The following CLDN10 variants were observed in gnomAD, a reference collection of about 807,000 sequenced individuals.
The protein encoded by CLDN10 is claudin-10.
In CLDN10, 15 loss-of-function variants were observed where a neutral mutation model predicts 22.9. The observed-to-expected ratio is 0.65, with a 90% CI of 0.44 to 1.01. The LOEUF is 1.01. Among genes scored for constraint, CLDN10 ranks in the 50% least tolerant of loss-of-function variants. CLDN10 has a pLI of 0.00. For synonymous variants in CLDN10, 114 were observed against 111.4 expected, an observed-to-expected ratio of 1.02 and a Z score of -0.15; for missense variants, 247 against 287.8, an observed-to-expected ratio of 0.86 and a Z score of 1.03.
chr13:95,504,780 C>T (rs539227712), intron 1 of CLDN10, among the ~76,000 whole-genome samples: 1 of 151,974 alleles, frequency 6.6e-6, no homozygotes, highest in Admixed American at 6.5e-5. Flanking sequence ...TCAAGTGATC[C>T]CCCCACCTCA....
At chr13:95,559,753 A>T (rs555214270) in intron 1 of CLDN10, among the ~76,000 whole-genome samples, 1 of 152,188 alleles carries the variant, frequency 6.6e-6, no homozygotes, top group African/African-American at 2.4e-5. Context: ...TCACAGTGAA[A>T]GGCACCTTTC....
chr13:95,442,037 G>A (rs1463134286), intron 1 of CLDN10, among the ~76,000 whole-genome samples: 1 of 152,182 alleles, frequency 6.6e-6, no homozygotes, highest in African/African-American at 2.4e-5. Flanking sequence ...TATAGTCCCA[G>A]CTACTCAGGA....
chr13:95,547,731 C>A (rs528984606), upstream of CLDN10, among the ~76,000 whole-genome samples: 31 of 152,306 alleles, frequency 2.0e-4, no homozygotes, highest in South Asian at 6.2e-4. Context: ...ATCTCCCTGA[C>A]TCTTAAGTGA....
At chr13:95,526,828 C>T (rs965925913) in intron 1 of CLDN10, among the ~76,000 whole-genome samples, 1 of 121,186 alleles carries the variant, frequency 8.3e-6, no homozygotes, top group East Asian at 2.8e-4. Context: ...ATAAACATGG[C>T]GAGAAGGAAA....
intron 1 of CLDN10, among the ~76,000 whole-genome samples, chr13:95,509,789 G>A (rs951318850): frequency 4.6e-5 from 7 of 151,980 alleles, no homozygotes; most frequent in South Asian, 2.1e-4. Flanking sequence ...TGCCACCATC[G>A]TCTTTGTCTC....
At chr13:95,540,916 T>C (rs139271821) in intron 1 of CLDN10, among the ~76,000 whole-genome samples, 27 of 152,386 alleles carry the variant, frequency 1.8e-4, no homozygotes, top group African/African-American at 6.3e-4. Context: ...TCTGCTCTTG[T>C]GGACGTGTCA....
upstream of CLDN10, chr13:95,552,568 C>T (rs1179262513): frequency 3.2e-6 from 1 of 309,874 alleles, no homozygotes; most frequent in East Asian, 1.7e-4. Flanking sequence ...CCTCTGAGGC[C>T]CCTCAAGGGA....
intron 1 of CLDN10, among the ~76,000 whole-genome samples, chr13:95,502,824 A>C (rs2042999703): frequency 6.6e-6 from 1 of 152,202 alleles, no homozygotes; most frequent in Admixed American, 6.5e-5. Flanking sequence ...CCCAACCGGC[A>C]GCATGTTTTA....
At chr13:95,547,885 G>C (rs370213939), upstream of CLDN10, among the ~76,000 whole-genome samples, 63 of 152,294 alleles carry the variant, frequency 4.1e-4, no homozygotes, top group African/African-American at 1.3e-3. Flanking sequence ...TTTAACAAAG[G>C]AGGGAGGCAG....
chr13:95,571,900 G>A (rs1301254635), intron 3 of CLDN10, among the ~76,000 whole-genome samples: 1 of 152,130 alleles, frequency 6.6e-6, no homozygotes, highest in African/African-American at 2.4e-5. Context: ...TACTACTCTT[G>A]ATTAAAATGA....
chr13:95,435,401 A>G (rs1032231385), intron 1 of CLDN10, among the ~76,000 whole-genome samples: 2 of 152,234 alleles, frequency 1.3e-5, no homozygotes, highest in African/African-American at 4.8e-5. Context: ...TGTGTCAAGT[A>G]TGCACATCAT....
At chr13:95,514,423 C>A in intron 1 of CLDN10, among the ~76,000 whole-genome samples, 1 of 119,308 alleles carries the variant, frequency 8.4e-6, no homozygotes. Flanking sequence ...GAGCCAGTTG[C>A]TAAATGTTTA....
intron 1 of CLDN10, among the ~76,000 whole-genome samples, chr13:95,462,528 G>A (rs991729033): frequency 3.9e-5 from 6 of 152,192 alleles, no homozygotes; most frequent in South Asian, 2.1e-4. Context: ...AGGACCTAGG[G>A]TGGGCACAGC....
At chr13:95,488,173 C>T (rs1452055493) in intron 1 of CLDN10, among the ~76,000 whole-genome samples, 1 of 148,480 alleles carries the variant, frequency 6.7e-6, no homozygotes, top group African/African-American at 2.5e-5. Flanking sequence ...TTAGTAGAGA[C>T]AGGGTTTTAC....
At chr13:95,524,929 G>A (rs75054322) in intron 1 of CLDN10, among the ~76,000 whole-genome samples, 15,073 of 150,812 alleles carry the variant, frequency 0.1, 925 homozygotes, top group Middle Eastern at 0.13. Context: ...GCGAGATCTC[G>A]GCTCAACACA....
intron 1 of CLDN10, among the ~76,000 whole-genome samples, chr13:95,471,418 T>TAC (rs1219762768): frequency 3.1e-3 from 332 of 106,466 alleles, no homozygotes; most frequent in East Asian, 0.013. Flanking sequence ...CACACACATA[T>TAC]ACACACACAC....
intron 1 of CLDN10, among the ~76,000 whole-genome samples, chr13:95,444,204 GC>G (rs2139069349): frequency 6.6e-6 from 1 of 152,318 alleles, no homozygotes; most frequent in South Asian, 2.1e-4. Flanking sequence ...CATCTTCTGA[GC>G]AAATGGTGTG....
intron 1 of CLDN10, among the ~76,000 whole-genome samples, chr13:95,452,434 T>G (rs538444789): frequency 1.3e-5 from 2 of 152,252 alleles, no homozygotes; most frequent in South Asian, 4.1e-4. Flanking sequence ...TCTGAGTGAT[T>G]CTGGGCTGAG....
Position 95,502,441 on chromosome 13 carries a change from A to G in CLDN10, c.215-57691A>G, listed in dbSNP as rs201906984. Among the ~76,000 whole-genome samples the G allele has an allele frequency of 3.8e-4, 58 of 152,062 alleles. No individual in the cohort carries two copies. In the East Asian group the frequency reaches 9.7e-3, roughly 25 times the overall value. On this transcript the variant is annotated intron_variant, in intron 1 of 4. Transcript: ENST00000376873. The stretch of plus-strand genomic sequence containing the variant: ...ACTCCTTCTCTAGAAAGTTTTCCCC[A>G]CTTCAACTGTTGCCAGGACGTTTAT...
Sources: allele counts gnomAD v4.1 joint callset (sites outside exome capture counted in the v4.1 genomes callset), GRCh38; gene constraint gnomAD v4.1.1; transcripts MANE v1.5; gene names NCBI Gene and HGNC (gene_info 2026-07-23, HGNC 2026-07-21).